OR2V2: variants seen among roughly 807,000 people sequenced by gnomAD.
The protein encoded by OR2V2 is olfactory receptor 2V2.
For missense variants in OR2V2, 392 were observed against 392.2 expected (o/e 1.00, Z 0.00); for synonymous variants, 161 against 151.3 (o/e 1.06, Z -0.47).
At position 181,155,802 on chromosome 5, in the gene OR2V2, AC is replaced by A. The variant is rs1561631348; in HGVS notation, c.865del (p.Leu289SerfsTer5). On this transcript the variant is annotated frameshift_variant, in exon 2 of 2. Coordinates refer to ENST00000641492, the MANE Select transcript of OR2V2 (RefSeq NM_206880.2). LOFTEE classifies it low-confidence loss of function (END_TRUNC). ...IFYTVLTPMLNPLIYSLRNRE... is the reference protein window; with the variant it reads ...IFYTVLTPMLXPLIYSLRNRE... ...TACACGGTCCTTACTCCCATGCTCA[AC>A]CCCCTCATTTACAGCTTGAGGAACA... 1 of 1,613,808 alleles carries A rather than the reference AC, an allele frequency of 6.2e-7. No homozygotes were observed.
In OR2V2 at chr5:181,157,109, A is replaced by T. The variant is rs749585594; in HGVS notation, c.*1219A>T. ...AGTGTGAACTATTTGCAGGACTTGT[A>T]TCCATCCTTCCAAGCTCTGTACCTG... On this transcript the variant is annotated 3_prime_UTR_variant, in exon 2 of 2. Coordinates refer to ENST00000641492, the MANE Select transcript of OR2V2 (RefSeq NM_206880.2). 1 of 152,258 alleles carries T rather than the reference A, an allele frequency of 6.6e-6. No homozygotes were observed. The highest frequency in any genetic ancestry group is 1.5e-5 in the Non-Finnish European group (1 of 68,050). The allele number at this position is 152,258 out of a possible 1,614,324, so 9.4% of individuals were successfully genotyped here. A position where few individuals can be genotyped will look rare whatever the true frequency, so the allele number is the denominator to read the frequency against.
In OR2V2 at chr5:181,148,144, T is replaced by G. The variant is rs186163236; in HGVS notation, c.-25+149T>G. 4.3e-5 allele frequency: 17 copies of G among 392,636 alleles called. No homozygotes were observed. The Admixed American group carries it at 4.9e-4, about 11-fold the overall frequency. 24.3% of individuals were successfully genotyped at this position (392,636 alleles called of 1,614,324 possible). ...ATCAGGGTGTAATTGTTTGGATTTT[T>G]GGGGGGGCATCCGCCTTCTGGTGTG... On this transcript the variant is annotated intron_variant, in intron 1 of 1. Transcript: ENST00000641492.
Position 181,155,883 on chromosome 5 carries a change from A to G in OR2V2, c.941A>G (p.Gln314Arg), listed in dbSNP as rs1484059261. ...KGLDRCRIGS[Q>R]H ...CTGGACCGCTGCAGGATCGGCAGCC[A>G]GCACTGAACCCAGGGCATCCAGTGC... The change falls in exon 2 of 2, where the codon CAG becomes CGG. Residue 314 changes from glutamine to arginine, a missense_variant. Physicochemically the swap from Gln to Arg is conservative, Grantham distance 43. Coordinates refer to ENST00000641492, the MANE Select transcript of OR2V2 (RefSeq NM_206880.2). 6.2e-7 allele frequency: 1 copy of G among 1,610,500 alleles called. No homozygotes were observed. The highest frequency in any genetic ancestry group is 8.5e-7 in the Non-Finnish European group (1 of 1,177,196).
intron 1 of OR2V2, among the ~76,000 whole-genome samples, chr5:181,152,245 G>A (rs920920024): frequency 1.3e-5 from 2 of 152,176 alleles, no homozygotes; most frequent in Admixed American, 1.3e-4. Context: ...TTTAGTAAAC[G>A]CAGAACCAAG....
At chr5:181,153,289 G>A (rs1485253430) in intron 1 of OR2V2, among the ~76,000 whole-genome samples, 1 of 152,174 alleles carries the variant, frequency 6.6e-6, no homozygotes, top group Non-Finnish European at 1.5e-5. Context: ...TACCGTCAAG[G>A]ATGCTTTGTC....
Position 181,155,793 on chromosome 5 carries a change from C to T in OR2V2, c.851C>T (p.Pro284Leu). The change falls in exon 2 of 2, where the codon CCC (proline) becomes CTC (leucine). Residue 284 changes from proline to leucine, a missense_variant. Transcript: ENST00000641492. ...VASIFYTVLTPMLNPLIYSLR... is the reference protein window; with the variant it reads ...VASIFYTVLTLMLNPLIYSLR... The stretch of plus-strand genomic sequence containing the variant: ...TCTATCTTCTACACGGTCCTTACTC[C>T]CATGCTCAACCCCCTCATTTACAGC... 1.2e-6 allele frequency: 2 copies of T among 1,614,194 alleles called. No individual in the cohort carries two copies. Among genetic ancestry groups the T allele is most frequent in the Non-Finnish European group, 1.7e-6 (2 of 1,180,040 alleles).
At position 181,148,012 on chromosome 5, in the gene OR2V2, T is replaced by C. The variant is rs552243816; in HGVS notation, c.-25+17T>C. On this transcript the variant is annotated intron_variant, in intron 1 of 1. Coordinates refer to ENST00000641492, the MANE Select transcript of OR2V2 (RefSeq NM_206880.2). ...CACCCACAGGTGAGTGAGGGTCTTG[T>C]CCTGTCGTCCCCTCTCTCTTCCCTG... 1,101 of 398,802 alleles carry C rather than the reference T, an allele frequency of 2.8e-3. 2 individuals are homozygous for C. The highest frequency in any genetic ancestry group is 3.6e-3 in the Non-Finnish European group (810 of 226,304). The allele number at this position is 398,802 out of a possible 1,614,324, so 24.7% of individuals were successfully genotyped here. A position where few individuals can be genotyped will look rare whatever the true frequency, so the allele number is the denominator to read the frequency against.
rs867517603 is a variant in OR2V2 at position 181,147,826 on chromosome 5, G to A, written c.-194G>A. ...GGCTGAGGGTGCCGTGGGCTCCACA[G>A]CCCGATGAGTAGTCGGTGCGGGCTG... On this transcript the variant is annotated 5_prime_UTR_variant, in exon 1 of 2. Coordinates refer to ENST00000641492, the MANE Select transcript of OR2V2 (RefSeq NM_206880.2). 93 of 393,826 alleles carry A rather than the reference G, an allele frequency of 2.4e-4. No individual in the cohort carries two copies. Among genetic ancestry groups the A allele is most frequent in the Admixed American group, 8.0e-4 (18 of 22,562 alleles). 24.4% of individuals were successfully genotyped at this position (393,826 alleles called of 1,614,324 possible).
chr5:181,151,806 C>A lies in OR2V2; in HGVS notation c.-24-3113C>A, dbSNP rs183905927. 1.4e-4 allele frequency among the ~76,000 whole-genome samples: 21 copies of A among 151,934 alleles called. No homozygotes were observed. In the East Asian group the frequency reaches 4.1e-3, roughly 29 times the overall value. ...GAAAGATCAGCTGATGCAAGGCGTT[C>A]AAAACCCTGTCTCTATGAAAAATAA... On this transcript the variant is annotated intron_variant, in intron 1 of 1. Coordinates refer to ENST00000641492, the MANE Select transcript of OR2V2 (RefSeq NM_206880.2).
At position 181,156,305 on chromosome 5, in the gene OR2V2, A is replaced by C. The variant is rs1354332977; in HGVS notation, c.*415A>C. ...TAAGGGATCCACTATTGTTGTAGAG[A>C]CAATGTTTTACTATGTTGCCCAGGC... On this transcript the variant is annotated 3_prime_UTR_variant, in exon 2 of 2. Transcript: ENST00000641492. 2 of 165,084 alleles carry C rather than the reference A, an allele frequency of 1.2e-5. No homozygotes were observed. The highest frequency in any genetic ancestry group is 2.4e-5 in the African/African-American group (1 of 41,648). 10.2% of individuals were successfully genotyped at this position (165,084 alleles called of 1,614,324 possible).
Position 181,156,016 on chromosome 5 carries a change from A to G in OR2V2, c.*126A>G. 1.3e-6 allele frequency: 1 copy of G among 772,042 alleles called. No individual in the cohort carries two copies. The highest frequency in any genetic ancestry group is 3.1e-5 in the East Asian group (1 of 32,038). The allele number at this position is 772,042 out of a possible 1,614,324, so 47.8% of individuals were successfully genotyped here. A position where few individuals can be genotyped will look rare whatever the true frequency, so the allele number is the denominator to read the frequency against. On this transcript the variant is annotated 3_prime_UTR_variant, in exon 2 of 2. Coordinates refer to ENST00000641492, the MANE Select transcript of OR2V2 (RefSeq NM_206880.2). ...TGATTGTGACACCCTCAGACTTGGAAGGTCTTTTTAAACACTACATCAGTT... is the reference window on the plus strand; with the variant it reads ...TGATTGTGACACCCTCAGACTTGGAGGGTCTTTTTAAACACTACATCAGTT...
At chr5:181,152,022 C>T (rs916985113) in intron 1 of OR2V2, among the ~76,000 whole-genome samples, 3 of 151,684 alleles carry the variant, frequency 2.0e-5, no homozygotes, top group Admixed American at 6.6e-5. Flanking sequence ...TGGGTTTATC[C>T]GTCTATCTCC....
Position 181,155,667 on chromosome 5 carries a change from G to T in OR2V2, c.725G>T (p.Cys242Phe), listed in dbSNP as rs530541842. ...GCCTGGAAAAAGGCCCTGGCCACCTGCTCCTCCCACCTGACAGCTGTCACC... is the reference window on the plus strand; with the variant it reads ...GCCTGGAAAAAGGCCCTGGCCACCTTCTCCTCCCACCTGACAGCTGTCACC... ...AQAWKKALAT[C>F]SSHLTAVTLF... The change falls in exon 2 of 2, where the codon TGC (cysteine) becomes TTC (phenylalanine). Residue 242 changes from cysteine (C) to phenylalanine (F), a missense_variant. Coordinates refer to ENST00000641492, the MANE Select transcript of OR2V2 (RefSeq NM_206880.2). 6.2e-7 allele frequency: 1 copy of T among 1,614,190 alleles called. No individual in the cohort carries two copies. The highest frequency in any genetic ancestry group is 1.3e-5 in the African/African-American group (1 of 75,048).
chr5:181,153,226 C>T (rs2259637), intron 1 of OR2V2, among the ~76,000 whole-genome samples: 14,335 of 152,170 alleles, frequency 0.094, 956 homozygotes, highest in African/African-American at 0.2. Flanking sequence ...TGATGTTTTC[C>T]GCTTGTTGTT....
Position 181,155,777 on chromosome 5 carries a change from T to C in OR2V2, c.835T>C (p.Tyr279His). ...PSHDKVASIF[Y>H]TVLTPMLNPL... Reference sequence around the variant, plus strand: ...CCATGACAAGGTGGCCTCTATCTTCTACACGGTCCTTACTCCCATGCTCAA... The same window carrying C: ...CCATGACAAGGTGGCCTCTATCTTCCACACGGTCCTTACTCCCATGCTCAA... Residue 279 changes from tyrosine (Y) to histidine (H), a missense_variant, in exon 2 of 2, where the codon TAC becomes CAC. Tyr to His is a moderately conservative substitution (Grantham distance 83). Transcript: ENST00000641492. The C allele has an allele frequency of 6.2e-7, 1 of 1,614,192 alleles. No individual in the cohort carries two copies. The highest frequency in any genetic ancestry group is 8.5e-7 in the Non-Finnish European group (1 of 1,180,042).
At position 181,155,058 on chromosome 5, in the gene OR2V2, C is replaced by A; in HGVS notation, c.116C>A (p.Ala39Asp). The A allele has an allele frequency of 6.2e-7, 1 of 1,614,092 alleles. No homozygotes were observed. Among genetic ancestry groups the A allele is most frequent in the Non-Finnish European group, 8.5e-7 (1 of 1,179,956 alleles). ...FSVVMAVFTV[A>D]LCGNVLLIFL... ...GTGGTTATGGCGGTCTTCACAGTGG[C>A]CCTCTGTGGGAATGTCCTCCTCATC... Residue 39 changes from alanine to aspartate, a missense_variant, in exon 2 of 2, where the codon GCC becomes GAC. Physicochemically the swap from Ala to Asp is moderately radical, Grantham distance 126. Transcript: ENST00000641492.
chr5:181,158,801 C>G lies in OR2V2; in HGVS notation c.*2911C>G, dbSNP rs529650087. On this transcript the variant is annotated 3_prime_UTR_variant, in exon 2 of 2. Transcript: ENST00000641492. ...ATTAACAGTTTAAAATGCTCAAGGC[C>G]AGTTTTTTTTTTGCCAACTACCTTA... The G allele has an allele frequency of 7.5e-6, 1 of 133,784 alleles. No homozygotes were observed. Among genetic ancestry groups the G allele is most frequent in the African/African-American group, 2.5e-5 (1 of 40,086 alleles). The allele number at this position is 133,784 out of a possible 1,614,324, so 8.3% of individuals were successfully genotyped here. A position where few individuals can be genotyped will look rare whatever the true frequency, so the allele number is the denominator to read the frequency against.
At chr5:181,148,460 A>G (rs556007465) in intron 1 of OR2V2, among the ~76,000 whole-genome samples, 1 of 152,364 alleles carries the variant, frequency 6.6e-6, no homozygotes, top group South Asian at 2.1e-4. Flanking sequence ...TAGGAAAAAA[A>G]GTAAAGCCAT....
In OR2V2 at chr5:181,156,164, T is replaced by C. The variant is rs538474822; in HGVS notation, c.*274T>C. 1 of 376,666 alleles carries C rather than the reference T, an allele frequency of 2.7e-6. No homozygotes were observed. Among genetic ancestry groups the C allele is most frequent in the Non-Finnish European group, 4.7e-6 (1 of 212,516 alleles). 23.3% of individuals were successfully genotyped at this position (376,666 alleles called of 1,614,324 possible). ...CTCTGTCACCCAGGCTAGAGTGCAG[T>C]GACACAATCTCGGCTTATAGCAGCC... On this transcript the variant is annotated 3_prime_UTR_variant, in exon 2 of 2. Coordinates refer to ENST00000641492, the MANE Select transcript of OR2V2 (RefSeq NM_206880.2).
Sources: allele counts gnomAD v4.1 joint callset (sites outside exome capture counted in the v4.1 genomes callset), GRCh38; gene constraint gnomAD v4.1.1; transcripts MANE v1.5; gene names NCBI Gene and HGNC (gene_info 2026-07-23, HGNC 2026-07-21).